The following KCNT1 variants were observed in gnomAD, a reference collection of about 807,000 sequenced individuals.
The protein encoded by KCNT1 is potassium sodium-activated channel subfamily T member 1, also known as potassium channel subfamily T member 1.
KCNT1 carries 78 observed loss-of-function variants against 147.8 expected under a neutral mutation model. The observed-to-expected ratio is 0.53, with a 90% CI of 0.44 to 0.64. KCNT1 has a LOEUF of 0.64. Among genes scored for constraint, KCNT1 ranks in the 30% least tolerant of loss-of-function variants. The pLI, the probability that KCNT1 is intolerant of heterozygous loss-of-function variation, is 0.00. For synonymous variants in KCNT1, 867 were observed against 748.8 expected (o/e 1.16, Z -2.58); for missense variants, 1,419 against 1,750.3 (o/e 0.81, Z 3.38).
At chr9:135,766,985 C>T (rs1370135749) in intron 13 of KCNT1, among the ~76,000 whole-genome samples, 1 of 152,134 alleles carries the variant, frequency 6.6e-6, no homozygotes, top group African/African-American at 2.4e-5. Flanking sequence ...GACAGAGTGA[C>T]AAGGTAACAA....
chr9:135,786,181 GC>G lies in KCNT1; in HGVS notation c.3178-13del. ...GCCTCACCCCTCCCCGCCCTGCCCT[GC>G]CCTGCCCTGCCCAGTCCCAGATCTC... On this transcript the variant is annotated splice_polypyrimidine_tract_variant and intron_variant, in intron 28 of 30. Transcript: ENST00000371757. 2 of 1,594,282 alleles carry G rather than the reference GC, an allele frequency of 1.3e-6. No homozygotes were observed. Among genetic ancestry groups the G allele is most frequent in the Non-Finnish European group, 1.7e-6 (2 of 1,169,864 alleles).
At chr9:135,765,557 G>A (rs1832206900) in intron 12 of KCNT1, 67 bp from the exon 13 acceptor site, 1 of 1,541,660 alleles carries the variant, frequency 6.5e-7, no homozygotes, top group African/African-American at 1.4e-5. Context: ...ACACAGTCCT[G>A]AAGGCAGGGC....
intron 27 of KCNT1, 42 bp downstream of exon 27, chr9:135,784,931 T>A (rs753631700): frequency 1.6e-5 from 25 of 1,598,854 alleles, no homozygotes; most frequent in Non-Finnish European, 2.1e-5. Context: ...GCAGCCCCTG[T>A]CCTGTGTGAC....
At chr9:135,770,754 C>A (rs967113904) in intron 17 of KCNT1, 103 bp from the exon 18 acceptor site, 1 of 1,159,870 alleles carries the variant, frequency 8.6e-7, no homozygotes, top group Non-Finnish European at 1.2e-6. Flanking sequence ...GAGGAAGACG[C>A]GGAGCTCCGG....
At chr9:135,743,875 G>A (rs1055519596) in intron 2 of KCNT1, among the ~76,000 whole-genome samples, 5 of 152,372 alleles carry the variant, frequency 3.3e-5, no homozygotes, top group Admixed American at 2.0e-4. Flanking sequence ...CCAGGGGGAC[G>A]GAGACATGTG....
In KCNT1 at chr9:135,793,932, A is replaced by ACGCCCTGCCCCGCAGT. The variant is rs1019885920; in HGVS notation, c.*1773_*1788dup. On this transcript the variant is annotated 3_prime_UTR_variant, in exon 31 of 31. Transcript: ENST00000371757. Reference sequence around the variant, plus strand: ...CGTTCCTGGGATCCAAGCAGCGAGCACGCCCTGCCCCGCAGTCACCCCGCC... The same window carrying ACGCCCTGCCCCGCAGT: ...CGTTCCTGGGATCCAAGCAGCGAGCACGCCCTGCCCCGCAGTCGCCCTGCCCCGCAGTCACCCCGCC... 6.6e-6 allele frequency: 1 copy of ACGCCCTGCCCCGCAGT among 151,156 alleles called. No individual in the cohort carries two copies. Among genetic ancestry groups the ACGCCCTGCCCCGCAGT allele is most frequent in the Non-Finnish European group, 1.5e-5 (1 of 68,384 alleles). The allele number at this position is 151,156 out of a possible 1,614,324, so 9.4% of individuals were successfully genotyped here.
intron 21 of KCNT1, among the ~76,000 whole-genome samples, chr9:135,777,936 GGCCACCAGC>G (rs1348657302): frequency 1.4e-5 from 2 of 140,712 alleles, no homozygotes; most frequent in African/African-American, 2.7e-5. Flanking sequence ...CAGTTCCTCT[GGCCACCAGC>G]TCCTCCCCAC....
intron 4 of KCNT1, among the ~76,000 whole-genome samples, chr9:135,751,377 T>C (rs1367255501): frequency 6.6e-6 from 1 of 151,972 alleles, no homozygotes; most frequent in Non-Finnish European, 1.5e-5. Context: ...CTTGAGCTTC[T>C]GCAGGTCAGG....
chr9:135,746,770 T>G (rs1312830971), intron 2 of KCNT1, among the ~76,000 whole-genome samples: 1 of 148,708 alleles, frequency 6.7e-6, no homozygotes, highest in African/African-American at 2.5e-5. Context: ...TGGAGTGGAG[T>G]GTGGGGCGAT....
At chr9:135,769,486 C>T (rs541279284) in intron 15 of KCNT1, among the ~76,000 whole-genome samples, 1 of 152,338 alleles carries the variant, frequency 6.6e-6, no homozygotes, top group African/African-American at 2.4e-5. Context: ...GGGGTCCAAA[C>T]TCTTCAGATG....
chr9:135,758,808 G>A (rs1831696499), intron 10 of KCNT1, among the ~76,000 whole-genome samples: 1 of 152,246 alleles, frequency 6.6e-6, no homozygotes, highest in African/African-American at 2.4e-5. Flanking sequence ...CCTAGGCCAG[G>A]TGGGGTCTCT....
At position 135,777,245 on chromosome 9, in the gene KCNT1, C is replaced by T. The variant is rs368765218; in HGVS notation, c.2350-93C>T. 1,359 of 1,358,822 alleles carry T rather than the reference C, an allele frequency of 1.0e-3. 6 individuals carry two copies. The highest frequency in any genetic ancestry group is 7.1e-3 in the South Asian group (530 of 74,770). The allele number at this position is 1,358,822 out of a possible 1,614,324, so 84.2% of individuals were successfully genotyped here. ...CGAGAGGCTAACGGCTGGGTGTTCA[C>T]GGGGGATGTTTGGTGAGGGGTCTGG... is the stretch of plus-strand genomic sequence containing the variant. On this transcript the variant is annotated intron_variant, in intron 20 of 30. Transcript: ENST00000371757.
intron 1 of KCNT1, among the ~76,000 whole-genome samples, chr9:135,711,292 G>C (rs1355772306): frequency 6.6e-6 from 1 of 152,124 alleles, no homozygotes; most frequent in Non-Finnish European, 1.5e-5. Flanking sequence ...ATGGCCACCG[G>C]GAACAGATGC....
chr9:135,748,833 G>A (rs538808248), intron 2 of KCNT1, among the ~76,000 whole-genome samples: 1 of 152,352 alleles, frequency 6.6e-6, no homozygotes, highest in African/African-American at 2.4e-5. Context: ...CCATCCCTGA[G>A]GGAGGCGGGG....
chr9:135,727,036 A>C (rs1336624201), intron 2 of KCNT1, among the ~76,000 whole-genome samples: 26 of 13,576 alleles, frequency 1.9e-3, no homozygotes, highest in African/African-American at 4.1e-3. Context: ...TCTCTTTCCC[A>C]TTCTCTCTCT....
At chr9:135,753,715 A>T (rs1831320219) in intron 4 of KCNT1, 2 of 595,990 alleles carry the variant, frequency 3.4e-6, no homozygotes, top group Non-Finnish European at 6.0e-6. Flanking sequence ...TGGCCAGCCC[A>T]GCATTCCTCA....
At chr9:135,778,572 C>G in intron 22 of KCNT1, 77 bp downstream of exon 22, 1 of 1,602,602 alleles carries the variant, frequency 6.2e-7, no homozygotes, top group Non-Finnish European at 8.5e-7. Flanking sequence ...TGGGGTGACC[C>G]CGACCGCAGG....
intron 4 of KCNT1, chr9:135,753,672 G>A (rs1831318702): frequency 7.1e-6 from 4 of 564,230 alleles, no homozygotes; most frequent in Non-Finnish European, 1.3e-5. Context: ...GATGTGGGAT[G>A]TACCCTCGCT....
chr9:135,745,134 G>A (rs1185292810), intron 2 of KCNT1, among the ~76,000 whole-genome samples: 1 of 152,242 alleles, frequency 6.6e-6, no homozygotes, highest in Non-Finnish European at 1.5e-5. Flanking sequence ...CTCACTTGCT[G>A]TTTGCCAGAT....
Sources: gnomAD v4.1 joint callset for allele counts (sites outside exome capture counted in the v4.1 genomes callset) on GRCh38, gnomAD v4.1.1 for gene constraint, MANE v1.5 for transcripts, NCBI Gene and HGNC (gene_info 2026-07-23, HGNC 2026-07-21) for gene names.